LRPPRC: variants seen among roughly 807,000 people sequenced by gnomAD.
LRPPRC encodes the protein leucine-rich PPR motif-containing protein, mitochondrial.
A neutral mutation model predicts 180.3 loss-of-function variants in LRPPRC; 120 were observed. The observed-to-expected ratio is 0.67, with a 90% CI of 0.57 to 0.77. The LOEUF (loss-of-function observed/expected upper bound fraction) is 0.77, where lower values mean the gene tolerates loss of function less well. Ranked by LOEUF, LRPPRC falls within the 30% of genes least tolerant of loss-of-function variation. The pLI is 0.00. For synonymous variants in LRPPRC, 723 were observed against 600.0 expected, an observed-to-expected ratio of 1.21 and a Z score of -3.00; for missense variants, 2,012 against 1,657.2, an observed-to-expected ratio of 1.21 and a Z score of -3.72.
chr2:43,936,841 G>A (rs553915892), intron 23 of LRPPRC, among the ~76,000 whole-genome samples: 37 of 152,260 alleles, frequency 2.4e-4, no homozygotes, highest in African/African-American at 8.4e-4. Flanking sequence ...CTGGATTACT[G>A]TCATAGAAGA....
chr2:43,961,079 T>C (rs548722175), intron 12 of LRPPRC, among the ~76,000 whole-genome samples: 7 of 152,322 alleles, frequency 4.6e-5, no homozygotes, highest in Non-Finnish European at 8.8e-5. Flanking sequence ...ATACATTTAT[T>C]GAATCATTTT....
chr2:43,889,077 G>C (rs554602182), intron 37 of LRPPRC, among the ~76,000 whole-genome samples: 1 of 152,254 alleles, frequency 6.6e-6, no homozygotes, highest in Non-Finnish European at 1.5e-5. Flanking sequence ...GGCACTTTGG[G>C]AGGCCGAGGT....
chr2:43,996,123 C>G (rs1242725863), upstream of LRPPRC: 5 of 562,904 alleles, frequency 8.9e-6, no homozygotes, highest in Admixed American at 3.5e-5. Context: ...GGACAGAAGA[C>G]CCAATGTAAT....
At chr2:43,959,358 C>T (rs932720398) in intron 13 of LRPPRC, 6 of 596,990 alleles carry the variant, frequency 1.0e-5, no homozygotes, top group Non-Finnish European at 1.5e-5. Flanking sequence ...TACAATATTA[C>T]AACAAATATT....
chr2:43,915,232 T>TCTCTCTCTCA (rs1174216406), intron 29 of LRPPRC, among the ~76,000 whole-genome samples: 9 of 51,884 alleles, frequency 1.7e-4, no homozygotes, highest in Admixed American at 5.2e-4. Flanking sequence ...TCTCTCTCTC[T>TCTCTCTCTCA]CACACACACA....
chr2:43,990,575 C>G (rs530479315), intron 1 of LRPPRC, among the ~76,000 whole-genome samples: 3 of 152,310 alleles, frequency 2.0e-5, no homozygotes, highest in Non-Finnish European at 4.4e-5. Flanking sequence ...GGATAAACGG[C>G]CTCCAAGTCT....
intron 29 of LRPPRC, among the ~76,000 whole-genome samples, chr2:43,913,703 T>C (rs1422244598): frequency 6.6e-6 from 1 of 152,216 alleles, no homozygotes; most frequent in Non-Finnish European, 1.5e-5. Context: ...TTTATCACAT[T>C]TCAAGTCAGT....
intron 32 of LRPPRC, 54 bp from the exon 33 acceptor site, chr2:43,899,659 G>T: frequency 8.2e-7 from 1 of 1,215,706 alleles, no homozygotes; most frequent in Non-Finnish European, 1.2e-6. Flanking sequence ...TAATATTACA[G>T]GCAGTTTAGT....
At chr2:43,913,893 T>A (rs1671349379) in intron 29 of LRPPRC, among the ~76,000 whole-genome samples, 1 of 152,232 alleles carries the variant, frequency 6.6e-6, no homozygotes, top group African/African-American at 2.4e-5. Flanking sequence ...ACCTAGTCTA[T>A]TCGGTGTATT....
intron 23 of LRPPRC, among the ~76,000 whole-genome samples, chr2:43,940,855 A>C (rs1672453940): frequency 6.6e-6 from 1 of 152,170 alleles, no homozygotes; most frequent in Non-Finnish European, 1.5e-5. Flanking sequence ...GATTGCTGTC[A>C]TCTCCATGAA....
chr2:43,938,508 G>A (rs1382725000), intron 23 of LRPPRC, among the ~76,000 whole-genome samples: 1 of 152,154 alleles, frequency 6.6e-6, no homozygotes. Context: ...ATTCATTCTA[G>A]AATCTAGAAT....
intron 1 of LRPPRC, among the ~76,000 whole-genome samples, chr2:43,985,394 CAT>C (rs565486360): frequency 1.0e-3 from 159 of 152,302 alleles, no homozygotes; most frequent in African/African-American, 3.4e-3. Context: ...TGTGTGTATA[CAT>C]GTTTTGACAA....
intron 22 of LRPPRC, among the ~76,000 whole-genome samples, chr2:43,944,974 G>A (rs1672625222): frequency 1.3e-5 from 2 of 152,048 alleles, no homozygotes; most frequent in South Asian, 2.1e-4. Context: ...TACGTTTATA[G>A]GTTTTACGTT....
intron 14 of LRPPRC, among the ~76,000 whole-genome samples, chr2:43,953,037 C>T (rs1436307988): frequency 1.3e-5 from 2 of 152,200 alleles, no homozygotes; most frequent in Admixed American, 6.5e-5. Flanking sequence ...TAAGCTACTA[C>T]CAATCTACTT....
chr2:43,910,337 C>T (rs545641344), intron 30 of LRPPRC, among the ~76,000 whole-genome samples: 2 of 151,676 alleles, frequency 1.3e-5, no homozygotes, highest in Non-Finnish European at 2.9e-5. Context: ...CAGGTTCAAG[C>T]GATTCTCCTG....
chr2:43,966,972 A>C (rs1673588506), intron 11 of LRPPRC, among the ~76,000 whole-genome samples: 1 of 151,914 alleles, frequency 6.6e-6, no homozygotes, highest in Admixed American at 6.6e-5. Context: ...AACTGCTTGA[A>C]CCCAGAGGGC....
intron 25 of LRPPRC, among the ~76,000 whole-genome samples, chr2:43,926,532 T>A (rs1198160672): frequency 6.6e-6 from 1 of 152,142 alleles, no homozygotes; most frequent in Non-Finnish European, 1.5e-5. Context: ...CACACCTGGC[T>A]AATTTTTGTA....
Position 43,936,371 on chromosome 2 carries a change from AAAAG to A in LRPPRC, c.2505-1497_2505-1494del, listed in dbSNP as rs537471537. Among the ~76,000 whole-genome samples, 19 of 152,368 alleles carry A rather than the reference AAAAG, an allele frequency of 1.2e-4. No homozygotes were observed. The South Asian group carries it at 3.9e-3, about 32-fold the overall frequency. On this transcript the variant is annotated intron_variant, in intron 23 of 37. Coordinates refer to ENST00000260665, the MANE Select transcript of LRPPRC (RefSeq NM_133259.4). ...TGGAATAAGAAATTAACGATTTATGAAAAGAGAGTATGAAAGGTATTTTAAAAAG... is the reference window on the plus strand; with the variant it reads ...TGGAATAAGAAATTAACGATTTATGAAGAGTATGAAAGGTATTTTAAAAAG...
intron 37 of LRPPRC, among the ~76,000 whole-genome samples, chr2:43,889,416 T>C (rs1185727816): frequency 6.6e-6 from 1 of 152,002 alleles, no homozygotes; most frequent in Non-Finnish European, 1.5e-5. Flanking sequence ...ATAATATGCT[T>C]GGCTGTTGAA....
Sources: allele counts gnomAD v4.1 joint callset (sites outside exome capture counted in the v4.1 genomes callset), GRCh38; gene constraint gnomAD v4.1.1; transcripts MANE v1.5; gene names NCBI Gene and HGNC (gene_info 2026-07-23, HGNC 2026-07-21).